Variants in SHISAL1 observed in about 807,000 individuals in gnomAD.
SHISAL1 encodes shisa like 1.
In SHISAL1, 9 loss-of-function variants were observed where a neutral mutation model predicts 22.6. That is an observed-to-expected ratio of 0.40 (90% CI 0.24 to 0.70). The LOEUF (loss-of-function observed/expected upper bound fraction) is 0.70, where lower values mean the gene tolerates loss of function less well. SHISAL1 is among the 30% of genes least tolerant of loss of function. SHISAL1 has a pLI of 0.39. For missense variants in SHISAL1, 246 were observed against 270.6 expected (o/e 0.91, Z 0.64); for synonymous variants, 119 against 115.4 (o/e 1.03, Z -0.20).
At chr22:44,268,265 CCT>C (rs1198919214) in intron 4 of SHISAL1, among the ~76,000 whole-genome samples, 2 of 152,164 alleles carry the variant, frequency 1.3e-5, no homozygotes, top group Non-Finnish European at 2.9e-5. Flanking sequence ...TCATCGACAG[CCT>C]CTGTCCATAA....
chr22:44,288,018 TGGGCCACA>T (rs2055328140), intron 3 of SHISAL1, among the ~76,000 whole-genome samples: 1 of 120,872 alleles, frequency 8.3e-6, no homozygotes, highest in African/African-American at 2.6e-5. Flanking sequence ...GGGGTGTGGC[TGGGCCACA>T]GGCTGGGCCT....
intron 4 of SHISAL1, among the ~76,000 whole-genome samples, chr22:44,265,057 C>A (rs75405160): frequency 2.3e-4 from 35 of 152,172 alleles, no homozygotes; most frequent in Admixed American, 1.0e-3. Context: ...TGCTCTCAGT[C>A]CCCCCATCTG....
chr22:44,274,055 C>T (rs970052250), intron 4 of SHISAL1, among the ~76,000 whole-genome samples: 5 of 148,800 alleles, frequency 3.4e-5, no homozygotes, highest in Admixed American at 6.7e-5. Context: ...CCCGGCCCCC[C>T]CCTCCCCCCC....
intron 4 of SHISAL1, among the ~76,000 whole-genome samples, chr22:44,263,367 G>A (rs558328047): frequency 6.6e-5 from 10 of 152,172 alleles, no homozygotes; most frequent in African/African-American, 2.2e-4. Flanking sequence ...CACTGCACCC[G>A]GCCGCCTTCA....
At chr22:44,296,611 G>C (rs1290757121) in intron 3 of SHISAL1, 61 bp downstream of exon 3, 2 of 1,511,330 alleles carry the variant, frequency 1.3e-6, no homozygotes, top group African/African-American at 2.8e-5. Context: ...GCGATTTTGG[G>C]AGGCAGGCCC....
At chr22:44,297,547 C>T (rs2055395911) in intron 2 of SHISAL1, among the ~76,000 whole-genome samples, 1 of 152,242 alleles carries the variant, frequency 6.6e-6, no homozygotes, top group Non-Finnish European at 1.5e-5. Flanking sequence ...CCAAGGTCCC[C>T]AAGGGCCTGC....
At chr22:44,276,092 C>G in intron 4 of SHISAL1, among the ~76,000 whole-genome samples, 1 of 152,360 alleles carries the variant, frequency 6.6e-6, no homozygotes, top group South Asian at 2.1e-4. Context: ...AACGTGATGT[C>G]AGGCGGCGGT....
At chr22:44,258,973 C>A (rs939865143) in intron 4 of SHISAL1, among the ~76,000 whole-genome samples, 3 of 152,148 alleles carry the variant, frequency 2.0e-5, no homozygotes, top group Non-Finnish European at 4.4e-5. Flanking sequence ...GAAGGTGTGA[C>A]CAGCTCAACA....
At chr22:44,265,761 G>A (rs113870793) in intron 4 of SHISAL1, among the ~76,000 whole-genome samples, 8,012 of 152,300 alleles carry the variant, frequency 0.053, 265 homozygotes, top group South Asian at 0.066. Flanking sequence ...TCTATCCTCA[G>A]GGAATGAGCC....
chr22:44,262,222 C>T (rs1021169369), intron 4 of SHISAL1, among the ~76,000 whole-genome samples: 1 of 152,196 alleles, frequency 6.6e-6, no homozygotes, highest in African/African-American at 2.4e-5. Flanking sequence ...GAGGGCACTC[C>T]AGGCGGACGG....
At chr22:44,249,748 T>C in intron 4 of SHISAL1, 63 bp from the exon 5 acceptor site, 1 of 776,364 alleles carries the variant, frequency 1.3e-6, no homozygotes, top group Admixed American at 1.7e-5. Context: ...CATTTCTCTC[T>C]GGCCTCAGTG....
chr22:44,267,736 T>A (rs2055174243), intron 4 of SHISAL1, among the ~76,000 whole-genome samples: 1 of 152,268 alleles, frequency 6.6e-6, no homozygotes, highest in Admixed American at 6.5e-5. Context: ...TGGATTGATG[T>A]GCAGCTGTCT....
chr22:44,252,451 A>C (rs530153816), intron 4 of SHISAL1, among the ~76,000 whole-genome samples: 19 of 152,274 alleles, frequency 1.2e-4, no homozygotes, highest in African/African-American at 4.6e-4. Context: ...CAGCTTTCCA[A>C]ATTATCTAGA....
At chr22:44,327,935 G>A in the SHISAL1 span, among the ~76,000 whole-genome samples, 1 of 152,136 alleles carries the variant, frequency 6.6e-6, no homozygotes, top group Non-Finnish European at 1.5e-5. Context: ...ACTTCTGAAA[G>A]AGCAGCTGGG....
chr22:44,289,902 G>A (rs555419497), intron 3 of SHISAL1, among the ~76,000 whole-genome samples: 30 of 152,352 alleles, frequency 2.0e-4, no homozygotes, highest in African/African-American at 7.0e-4. Context: ...GTTTTATGGA[G>A]CAAGATGTGA....
At chr22:44,313,302 G>A (rs1191168136), upstream of SHISAL1, among the ~76,000 whole-genome samples, 1 of 152,244 alleles carries the variant, frequency 6.6e-6, no homozygotes, top group African/African-American at 2.4e-5. Flanking sequence ...GGCAATGGAG[G>A]TCAGTGGCAC....
At chr22:44,297,695 G>A (rs1174491371) in intron 2 of SHISAL1, among the ~76,000 whole-genome samples, 2 of 152,252 alleles carry the variant, frequency 1.3e-5, no homozygotes, top group African/African-American at 4.8e-5. Flanking sequence ...CGTGCCGATG[G>A]TGATAAACAG....
chr22:44,272,913 T>C (rs1189862051), intron 4 of SHISAL1, among the ~76,000 whole-genome samples: 1 of 152,018 alleles, frequency 6.6e-6, no homozygotes, highest in Middle Eastern at 3.5e-3. Context: ...CTGGGCAACG[T>C]GGCAAAACTC....
intron 3 of SHISAL1, among the ~76,000 whole-genome samples, chr22:44,291,447 G>A (rs944937649): frequency 1.3e-5 from 2 of 152,216 alleles, no homozygotes; most frequent in African/African-American, 2.4e-5. Flanking sequence ...CCTAGTGAAC[G>A]GGGCTAGTGG....
Sources: gnomAD v4.1 joint callset for allele counts (sites outside exome capture counted in the v4.1 genomes callset) on GRCh38, gnomAD v4.1.1 for gene constraint, MANE v1.5 for transcripts, NCBI Gene and HGNC (gene_info 2026-07-23, HGNC 2026-07-21) for gene names.